The following KLF12 variants were observed in gnomAD, a reference collection of about 807,000 sequenced individuals.
KLF12 encodes the protein KLF transcription factor 12, also known as Krueppel-like factor 12.
In KLF12, 9 loss-of-function variants were observed where a neutral mutation model predicts 37.8. That is an observed-to-expected ratio of 0.24 (90% CI 0.14 to 0.42). KLF12 has a LOEUF of 0.42. KLF12 is among the 10% of genes least tolerant of loss of function. The pLI is 1.00. For synonymous variants in KLF12, 208 were observed against 202.1 expected, an observed-to-expected ratio of 1.03 and a Z score of -0.25; for missense variants, 411 against 516.0, an observed-to-expected ratio of 0.80 and a Z score of 1.97.
intron 7 of KLF12, among the ~76,000 whole-genome samples, chr13:73,699,860 A>T (rs552974139): frequency 2.4e-4 from 36 of 152,312 alleles, no homozygotes; most frequent in African/African-American, 8.4e-4. Context: ...AGTGCAAGTG[A>T]AGTGTGATCA....
chr13:73,898,022 T>C (rs1051502098), intron 3 of KLF12, among the ~76,000 whole-genome samples: 5 of 152,164 alleles, frequency 3.3e-5, no homozygotes, highest in African/African-American at 9.7e-5. Context: ...CTTGTAAAGA[T>C]AGTTCCTGCC....
the KLF12 span, among the ~76,000 whole-genome samples, chr13:74,167,407 G>A: frequency 2.0e-5 from 3 of 152,166 alleles, no homozygotes; most frequent in African/African-American, 2.4e-5. Flanking sequence ...TTTCCTAGAC[G>A]CTGTTTCTAA....
chr13:74,185,228 A>AT, the KLF12 span, among the ~76,000 whole-genome samples: 1 of 152,200 alleles, frequency 6.6e-6, no homozygotes, highest in African/African-American at 2.4e-5. Flanking sequence ...TTCCTGTTCA[A>AT]TTAATAATAT....
chr13:74,173,466 C>T, the KLF12 span, among the ~76,000 whole-genome samples: 3 of 152,312 alleles, frequency 2.0e-5, no homozygotes, highest in South Asian at 6.2e-4. Context: ...AAGTGCCATG[C>T]ATCACTTGTA....
chr13:73,919,773 A>T (rs1050897090), intron 3 of KLF12, among the ~76,000 whole-genome samples: 15 of 152,204 alleles, frequency 9.9e-5, no homozygotes. Context: ...CTTCATAAGG[A>T]TTTGCAACAT....
At chr13:74,275,797 T>TC in the KLF12 span, among the ~76,000 whole-genome samples, 26 of 90,010 alleles carry the variant, frequency 2.9e-4, no homozygotes, top group East Asian at 5.9e-4. Flanking sequence ...TTTCTTTCTT[T>TC]CTTTCTTTCC....
intron 2 of KLF12, among the ~76,000 whole-genome samples, chr13:73,975,744 C>G (rs964015082): frequency 6.6e-6 from 1 of 152,182 alleles, no homozygotes; most frequent in African/African-American, 2.4e-5. Flanking sequence ...CTCAGTTCTT[C>G]AACTGTGCCG....
At chr13:74,000,344 G>C (rs538334720) in intron 1 of KLF12, among the ~76,000 whole-genome samples, 1 of 152,300 alleles carries the variant, frequency 6.6e-6, no homozygotes, top group East Asian at 1.9e-4. Flanking sequence ...GGATCTCAGA[G>C]TATAGTGTTC....
chr13:74,097,359 G>A (rs1485843948), intron 1 of KLF12, among the ~76,000 whole-genome samples: 2 of 152,140 alleles, frequency 1.3e-5, no homozygotes, highest in East Asian at 3.8e-4. Context: ...CTGTACATCT[G>A]TGCTGGGACC....
chr13:73,738,122 T>TACACACAC (rs1474999870), intron 6 of KLF12, among the ~76,000 whole-genome samples: 4 of 64,930 alleles, frequency 6.2e-5, no homozygotes, highest in Non-Finnish European at 1.1e-4. Flanking sequence ...TATATATATA[T>TACACACAC]ATACACACAC....
chr13:73,708,586 T>C (rs989134476), intron 7 of KLF12, among the ~76,000 whole-genome samples: 16 of 152,274 alleles, frequency 1.1e-4, no homozygotes, highest in African/African-American at 3.6e-4. Context: ...CACCATCTAG[T>C]GGCTGTAGGA....
chr13:73,747,837 TA>T (rs1357329507), intron 6 of KLF12, among the ~76,000 whole-genome samples: 2 of 147,856 alleles, frequency 1.4e-5, no homozygotes, highest in African/African-American at 5.0e-5. Context: ...TATTGATCCC[TA>T]CTCTATTCTT....
intron 1 of KLF12, among the ~76,000 whole-genome samples, chr13:74,080,031 A>C (rs184737530): frequency 2.6e-5 from 4 of 152,360 alleles, no homozygotes; most frequent in African/African-American, 9.6e-5. Context: ...ATGTACTATT[A>C]TTCAGCCTTA....
intron 4 of KLF12, among the ~76,000 whole-genome samples, chr13:73,840,309 G>A (rs181161437): frequency 9.2e-5 from 14 of 152,176 alleles, no homozygotes; most frequent in Admixed American, 5.2e-4. Context: ...ATGCTCAGGT[G>A]TCCAGTCGTC....
intron 1 of KLF12, among the ~76,000 whole-genome samples, chr13:74,017,044 C>T (rs375532652): frequency 7.0e-4 from 107 of 152,162 alleles, no homozygotes; most frequent in African/African-American, 2.4e-3. Flanking sequence ...CAGGGACAGT[C>T]GTCTATGGTG....
At chr13:74,047,035 C>T (rs1368165366) in intron 1 of KLF12, among the ~76,000 whole-genome samples, 3 of 151,900 alleles carry the variant, frequency 2.0e-5, no homozygotes, top group South Asian at 4.2e-4. Context: ...GTTTTTAAAC[C>T]ACAGCATTAT....
the KLF12 span, among the ~76,000 whole-genome samples, chr13:74,266,546 A>T: frequency 6.6e-6 from 1 of 152,202 alleles, no homozygotes; most frequent in African/African-American, 2.4e-5. Context: ...CACAAGGAGG[A>T]TTCTCATCTT....
chr13:74,220,483 C>A, the KLF12 span, among the ~76,000 whole-genome samples: 50 of 152,260 alleles, frequency 3.3e-4, no homozygotes, highest in Non-Finnish European at 5.7e-4. Context: ...ATGGTGAAAT[C>A]AAGTTACTTG....
the KLF12 span, chr13:74,289,060 ATAAACT>A: frequency 6.6e-6 from 1 of 152,234 alleles, no homozygotes; most frequent in Non-Finnish European, 1.5e-5. Flanking sequence ...CAACACCCAG[ATAAACT>A]TAAAGGAATT....
Sources: allele counts gnomAD v4.1 joint callset (sites outside exome capture counted in the v4.1 genomes callset), GRCh38; gene constraint gnomAD v4.1.1; transcripts MANE v1.5; gene names NCBI Gene and HGNC (gene_info 2026-07-23, HGNC 2026-07-21).